FUNDC2: variants seen among roughly 807,000 people sequenced by gnomAD.
The protein encoded by FUNDC2 is FUN14 domain-containing protein 2.
A neutral mutation model predicts 15.6 loss-of-function variants in FUNDC2; 4 were observed. That is an observed-to-expected ratio of 0.26 (90% CI 0.13 to 0.59). The LOEUF is 0.59. Among genes scored for constraint, FUNDC2 ranks in the 20% least tolerant of loss-of-function variants. The pLI is 0.90. For missense variants in FUNDC2, 98 were observed against 149.7 expected, an observed-to-expected ratio of 0.65 and a Z score of 1.80; for synonymous variants, 44 against 56.9, an observed-to-expected ratio of 0.77 and a Z score of 1.02.
At chrX:155,028,484 AAAAT>A (rs782442518) in intron 1 of FUNDC2, among the ~76,000 whole-genome samples, 16 of 112,038 alleles carry the variant, frequency 1.4e-4, no homozygotes, top group Non-Finnish European at 2.6e-4. Context: ...TTACATTAGA[AAAAT>A]AAATTATTTA....
intron 2 of FUNDC2, 79 bp downstream of exon 2, chrX:155,033,632 C>G: frequency 1.1e-5 from 10 of 947,792 alleles, no homozygotes; most frequent in Non-Finnish European, 1.5e-5. Flanking sequence ...TCTCCTTTAA[C>G]CAGTGAAAAC....
intron 2 of FUNDC2, among the ~76,000 whole-genome samples, chrX:155,038,220 G>A (rs1249795986): frequency 9.0e-6 from 1 of 110,602 alleles, no homozygotes; most frequent in Non-Finnish European, 1.9e-5. Context: ...GACAGAATGA[G>A]ACCCAGTCTC....
intron 2 of FUNDC2, among the ~76,000 whole-genome samples, chrX:155,042,087 GAAAA>G (rs1391204771): frequency 4.1e-5 from 3 of 73,923 alleles, no homozygotes; most frequent in Non-Finnish European, 7.8e-5. Flanking sequence ...AAAAAAAAAA[GAAAA>G]AAAAGAAAAA....
Position 155,059,515 on chromosome X carries a change from G to C in FUNDC2, c.*4843G>C, listed in dbSNP as rs1193710267. ...CCTAGAGTTCTTTGCTTAAGACTGA[G>C]ATTCAGTGTTACTCTTGGTCCCTAA... On this transcript the variant is annotated 3_prime_UTR_variant, in exon 5 of 5. Coordinates refer to ENST00000369498, the MANE Select transcript of FUNDC2 (RefSeq NM_023934.4). The C allele has an allele frequency of 9.1e-6, 1 of 109,547 alleles. No individual in the cohort carries two copies. Among genetic ancestry groups the C allele is most frequent in the Non-Finnish European group, 1.9e-5 (1 of 52,611 alleles). 9.0% of individuals were successfully genotyped at this position (109,547 alleles called of 1,213,427 possible).
At chrX:155,040,037 G>T (rs782779305) in intron 2 of FUNDC2, among the ~76,000 whole-genome samples, 1 of 111,800 alleles carries the variant, frequency 8.9e-6, no homozygotes, top group South Asian at 3.7e-4. Context: ...GCCTTCTGTA[G>T]TTTTCAGTGT....
chrX:155,034,763 G>A (rs193236807), intron 2 of FUNDC2, among the ~76,000 whole-genome samples: 231 of 112,085 alleles, frequency 2.1e-3, no homozygotes, highest in Non-Finnish European at 3.3e-3. Context: ...TACCAGTCTG[G>A]TAGTTAGGTA....
intron 1 of FUNDC2, among the ~76,000 whole-genome samples, chrX:155,031,976 A>ATT (rs35217353): frequency 1.4e-3 from 135 of 97,299 alleles, no homozygotes; most frequent in Admixed American, 3.1e-3. Context: ...CCTTCATTTC[A>ATT]TTTTTTTTTT....
chrX:155,028,061 A>G (rs185761022), intron 1 of FUNDC2, among the ~76,000 whole-genome samples: 1 of 111,098 alleles, frequency 9.0e-6, no homozygotes, highest in East Asian at 3.0e-4. Context: ...GCTCTTATAG[A>G]CTTTTATAAG....
chrX:155,042,731 G>C (rs1169686708), intron 2 of FUNDC2, among the ~76,000 whole-genome samples: 1 of 111,455 alleles, frequency 9.0e-6, no homozygotes, highest in Non-Finnish European at 1.9e-5. Context: ...AATCCATAGA[G>C]GTCTTATACC....
chrX:155,055,018 A>C lies in FUNDC2; in HGVS notation c.*346A>C. On this transcript the variant is annotated 3_prime_UTR_variant, in exon 5 of 5. Transcript: ENST00000369498. ...GAGTGGATCCTGAAAGGTTGTCCCA[A>C]ACTGTTGATTTGGAAAAGAAATAAG... The C allele has an allele frequency of 9.3e-6, 3 of 321,345 alleles. No homozygotes were observed. Among genetic ancestry groups the C allele is most frequent in the Non-Finnish European group, 1.6e-5 (3 of 184,750 alleles). 26.5% of individuals were successfully genotyped at this position (321,345 alleles called of 1,213,427 possible).
Position 155,054,865 on chromosome X carries a change from C to A in FUNDC2, c.*193C>A. On this transcript the variant is annotated 3_prime_UTR_variant, in exon 5 of 5. Coordinates refer to ENST00000369498, the MANE Select transcript of FUNDC2 (RefSeq NM_023934.4). ...ATGAGCTTCATGGTGGCAGAAGAGA[C>A]AATAGTCCTTAGCTCTCCTCCCAGT... 1 of 435,211 alleles carries A rather than the reference C, an allele frequency of 2.3e-6. No individual in the cohort carries two copies. The highest frequency in any genetic ancestry group is 4.0e-6 in the Non-Finnish European group (1 of 249,780). The allele number at this position is 435,211 out of a possible 1,213,427, so 35.9% of individuals were successfully genotyped here.
intron 3 of FUNDC2, among the ~76,000 whole-genome samples, chrX:155,048,309 G>C (rs2073869510): frequency 9.0e-6 from 1 of 111,660 alleles, no homozygotes; most frequent in Admixed American, 9.5e-5. Context: ...GCATAATGTT[G>C]GGAGATCAGT....
At chrX:155,029,234 A>T (rs2073806502) in intron 1 of FUNDC2, among the ~76,000 whole-genome samples, 1 of 112,283 alleles carries the variant, frequency 8.9e-6, no homozygotes, top group African/African-American at 3.2e-5. Flanking sequence ...TAGAGTCTTC[A>T]GACCCAGCCT....
chrX:155,060,293 T>G lies in FUNDC2; in HGVS notation c.*5621T>G, dbSNP rs2073922378. ...TTTGTAGATGGTGTAACATTAAAGT[T>G]GTATGATGTTTTATTGTGTTATTAT... On this transcript the variant is annotated 3_prime_UTR_variant, in exon 5 of 5. Coordinates refer to ENST00000369498, the MANE Select transcript of FUNDC2 (RefSeq NM_023934.4). 8.9e-6 allele frequency: 1 copy of G among 112,262 alleles called. No individual in the cohort carries two copies. Among genetic ancestry groups the G allele is most frequent in the Non-Finnish European group, 1.9e-5 (1 of 53,277 alleles). 9.3% of individuals were successfully genotyped at this position (112,262 alleles called of 1,213,427 possible).
rs782625509 is a variant in FUNDC2 at position 155,057,084 on chromosome X, GC to G, written c.*2414del. 216 of 100,851 alleles carry G rather than the reference GC, an allele frequency of 2.1e-3. No homozygotes were observed. The highest frequency in any genetic ancestry group is 7.1e-3 in the African/African-American group (211 of 29,759). The allele number at this position is 100,851 out of a possible 1,213,427, so 8.3% of individuals were successfully genotyped here. A position where few individuals can be genotyped will look rare whatever the true frequency, so the allele number is the denominator to read the frequency against. On this transcript the variant is annotated 3_prime_UTR_variant, in exon 5 of 5. Transcript: ENST00000369498. ...CTGTGAGTTCTGCCCACGGTGTGAGGCCACTGTGACCACTTGGGATTGTGCA... is the reference window on the plus strand; with the variant it reads ...CTGTGAGTTCTGCCCACGGTGTGAGGCACTGTGACCACTTGGGATTGTGCA...
At chrX:155,046,028 TA>T (rs1403577716) in intron 2 of FUNDC2, among the ~76,000 whole-genome samples, 2 of 110,959 alleles carry the variant, frequency 1.8e-5, no homozygotes, top group Non-Finnish European at 3.8e-5. Flanking sequence ...TCCTTGTTTT[TA>T]TATTGTAAAA....
chrX:155,054,793 C>A lies in FUNDC2; in HGVS notation c.*121C>A, dbSNP rs2073889090. ...TGCCTTCTTCCCTGCCATGGCAAAT[C>A]TGAGTGGCTTCTCTAAGCATCTGCT... On this transcript the variant is annotated 3_prime_UTR_variant, in exon 5 of 5. Coordinates refer to ENST00000369498, the MANE Select transcript of FUNDC2 (RefSeq NM_023934.4). The A allele has an allele frequency of 1.6e-6, 1 of 607,192 alleles. No homozygotes were observed. The highest frequency in any genetic ancestry group is 2.7e-6 in the Non-Finnish European group (1 of 367,340). The allele number at this position is 607,192 out of a possible 1,213,427, so 50.0% of individuals were successfully genotyped here.
At chrX:155,038,083 C>A (rs1021896486) in intron 2 of FUNDC2, among the ~76,000 whole-genome samples, 1 of 108,131 alleles carries the variant, frequency 9.2e-6, no homozygotes, top group African/African-American at 3.4e-5. Context: ...AAAAATTAGC[C>A]GGGCGTGGTG....
rs1360987221 is a variant in FUNDC2, at chrX:155,058,123, G to C, written c.*3451G>C. On this transcript the variant is annotated 3_prime_UTR_variant, in exon 5 of 5. Transcript: ENST00000369498. ...TCCAGACATTCATTAACAGGACAGT[G>C]GGGTTCTTGACTCCCCTACCACTGG... is the stretch of plus-strand genomic sequence containing the variant. The C allele has an allele frequency of 9.0e-6, 1 of 111,431 alleles. No individual in the cohort carries two copies. The highest frequency in any genetic ancestry group is 1.9e-5 in the Non-Finnish European group (1 of 53,104). The allele number at this position is 111,431 out of a possible 1,213,427, so 9.2% of individuals were successfully genotyped here. A position where few individuals can be genotyped will look rare whatever the true frequency, so the allele number is the denominator to read the frequency against.
Sources: allele counts gnomAD v4.1 joint callset (sites outside exome capture counted in the v4.1 genomes callset), GRCh38; gene constraint gnomAD v4.1.1; transcripts MANE v1.5; gene names NCBI Gene and HGNC (gene_info 2026-07-23, HGNC 2026-07-21).